Variants in CSMD3 observed in about 807,000 individuals in gnomAD.
CSMD3 encodes CUB and sushi domain-containing protein 3.
In CSMD3, 177 loss-of-function variants were observed where a neutral mutation model predicts 435.2. The observed-to-expected ratio is 0.41, with a 90% CI of 0.36 to 0.46. CSMD3 has a LOEUF of 0.46. Among genes scored for constraint, CSMD3 ranks in the 20% least tolerant of loss-of-function variants. The pLI, the probability that CSMD3 is intolerant of heterozygous loss-of-function variation, is 0.34. For synonymous variants in CSMD3, 1,656 were observed against 1,520.5 expected (o/e 1.09, Z -2.07); for missense variants, 4,265 against 4,504.6 (o/e 0.95, Z 1.52).
intron 5 of CSMD3, among the ~76,000 whole-genome samples, chr8:113,093,921 T>C (rs545599997): frequency 6.6e-6 from 1 of 152,288 alleles, no homozygotes; most frequent in South Asian, 2.1e-4. Context: ...TTGATAACCA[T>C]ATTGTTCCCT....
At chr8:112,878,679 A>G (rs760837085) in intron 10 of CSMD3, among the ~76,000 whole-genome samples, 3 of 152,160 alleles carry the variant, frequency 2.0e-5, no homozygotes, top group Non-Finnish European at 4.4e-5. Flanking sequence ...ATGTCCATCA[A>G]TGATAGACTA....
At chr8:112,949,038 G>C (rs1024633252) in intron 8 of CSMD3, among the ~76,000 whole-genome samples, 4 of 151,958 alleles carry the variant, frequency 2.6e-5, no homozygotes, top group African/African-American at 9.7e-5. Context: ...GCCATCCAAG[G>C]TGCCAAAGTG....
chr8:112,387,051 T>C (rs1161509210), intron 36 of CSMD3, among the ~76,000 whole-genome samples: 3 of 152,176 alleles, frequency 2.0e-5, no homozygotes, highest in Non-Finnish European at 4.4e-5. Flanking sequence ...CATAAATATT[T>C]CCCTTTTCTT....
intron 27 of CSMD3, among the ~76,000 whole-genome samples, chr8:112,550,186 T>C (rs1827553661): frequency 6.6e-6 from 1 of 151,936 alleles, no homozygotes; most frequent in Non-Finnish European, 1.5e-5. Flanking sequence ...TTATAGAAAA[T>C]CTTTAATTTA....
Position 113,436,588 on chromosome 8 carries a change from C to G in CSMD3, c.178+89G>C. On this transcript the variant is annotated intron_variant, in intron 1 of 70. Transcript: ENST00000297405. ...GTATTATCAGATTATTTTATCGGTG[C>G]AAATTGCAAAGTAAGCTGCCAGCCT... 21 of 1,171,586 alleles carry G rather than the reference C, an allele frequency of 1.8e-5. No homozygotes were observed. In the South Asian group the frequency reaches 2.4e-4, roughly 14 times the overall value. 72.6% of individuals were successfully genotyped at this position (1,171,586 alleles called of 1,614,324 possible).
intron 3 of CSMD3, among the ~76,000 whole-genome samples, chr8:113,252,858 C>G (rs1232981964): frequency 6.6e-6 from 1 of 151,970 alleles, no homozygotes; most frequent in Non-Finnish European, 1.5e-5. Flanking sequence ...TAGATCACAT[C>G]AAGATATTAT....
chr8:113,313,971 T>C (rs891305263), intron 2 of CSMD3: 5 of 152,178 alleles, frequency 3.3e-5, no homozygotes, highest in Non-Finnish European at 7.4e-5. Context: ...CCAGAAGAAC[T>C]ACCTTAAAAA....
chr8:112,752,960 C>A, intron 13 of CSMD3, among the ~76,000 whole-genome samples: 1 of 151,378 alleles, frequency 6.6e-6, no homozygotes, highest in African/African-American at 2.4e-5. Flanking sequence ...GGGTCTCCCT[C>A]TGTCACCCAT....
intron 69 of CSMD3, among the ~76,000 whole-genome samples, chr8:112,230,331 T>C (rs1291056911): frequency 6.6e-6 from 1 of 152,208 alleles, no homozygotes; most frequent in Non-Finnish European, 1.5e-5. Context: ...GTAAATGGCA[T>C]CTTATTACTT....
chr8:112,503,804 T>C lies in CSMD3; in HGVS notation c.5069A>G (p.His1690Arg), dbSNP rs375632887. Residue 1690 changes from histidine to arginine, a missense_variant, in exon 30 of 71, where the codon CAT becomes CGT. Transcript: ENST00000297405. ...TTCATATTTACCTTTGTATTCTAGA[T>C]GAAATCCAGTGTAACTAACAGATCC... ...SDGSVSYTGF[H>R]LEYKAKLRES... The C allele has an allele frequency of 4.3e-6, 7 of 1,609,320 alleles. No homozygotes were observed. The African/African-American group carries it at 6.7e-5, about 15-fold the overall frequency.
intron 38 of CSMD3, among the ~76,000 whole-genome samples, chr8:112,366,977 A>G (rs1827842589): frequency 6.6e-6 from 1 of 152,130 alleles, no homozygotes; most frequent in Non-Finnish European, 1.5e-5. Flanking sequence ...TTTTATATAC[A>G]TTCAATTTTT....
intron 31 of CSMD3, among the ~76,000 whole-genome samples, chr8:112,477,999 C>T (rs1819237469): frequency 6.6e-6 from 1 of 152,138 alleles, no homozygotes; most frequent in Non-Finnish European, 1.5e-5. Flanking sequence ...ATAAGTCTCA[C>T]AGGATCTGAT....
At chr8:112,948,699 A>G (rs1233815616) in intron 8 of CSMD3, among the ~76,000 whole-genome samples, 1 of 151,334 alleles carries the variant, frequency 6.6e-6, no homozygotes, top group East Asian at 1.9e-4. Context: ...CTTTTTATCA[A>G]TTTACCTGCT....
intron 1 of CSMD3, among the ~76,000 whole-genome samples, chr8:113,410,890 C>A (rs1213340797): frequency 2.6e-5 from 2 of 75,686 alleles, no homozygotes; most frequent in Admixed American, 1.3e-4. Context: ...TGTGACAGAG[C>A]AAAACCCTGT....
Position 113,112,474 on chromosome 8 carries a change from T to TACAC in CSMD3, c.710-13515_710-13512dup, listed in dbSNP as rs10587896. 1.6e-4 allele frequency among the ~76,000 whole-genome samples: 15 copies of TACAC among 96,526 alleles called. 1 individual carries two copies. The highest frequency in any genetic ancestry group is 0.01 in the Middle Eastern group (2 of 194). 63.3% of individuals were successfully genotyped at this position (96,526 alleles called of 152,430 possible). On this transcript the variant is annotated intron_variant, in intron 4 of 70. Transcript: ENST00000297405. ...GTATATACACACACACACACACACG[T>TACAC]ACACACACACACACACACACACACA...
At chr8:113,433,645 C>T (rs1344351497) in intron 1 of CSMD3, among the ~76,000 whole-genome samples, 1 of 152,228 alleles carries the variant, frequency 6.6e-6, no homozygotes, top group African/African-American at 2.4e-5. Flanking sequence ...GGTCTCCCAC[C>T]TGCTGCCTAC....
intron 3 of CSMD3, among the ~76,000 whole-genome samples, chr8:113,195,731 A>G (rs2092644177): frequency 6.8e-6 from 1 of 147,356 alleles, no homozygotes; most frequent in Admixed American, 6.9e-5. Flanking sequence ...ATCTATAACT[A>G]TATCTCTATC....
chr8:112,338,086 T>G (rs1824747414), intron 42 of CSMD3, among the ~76,000 whole-genome samples: 1 of 152,212 alleles, frequency 6.6e-6, no homozygotes, highest in Non-Finnish European at 1.5e-5. Flanking sequence ...GCTTCTTGAT[T>G]ATGTTACAAG....
intron 13 of CSMD3, among the ~76,000 whole-genome samples, chr8:112,778,728 A>G (rs1304775414): frequency 6.6e-6 from 1 of 151,924 alleles, no homozygotes; most frequent in East Asian, 1.9e-4. Flanking sequence ...TTATGGTAAG[A>G]GTATGTTTAG....
Sources: allele counts gnomAD v4.1 joint callset (sites outside exome capture counted in the v4.1 genomes callset), GRCh38; gene constraint gnomAD v4.1.1; transcripts MANE v1.5; gene names NCBI Gene and HGNC (gene_info 2026-07-23, HGNC 2026-07-21).